Variants in FANCL observed in about 807,000 individuals in gnomAD.
The protein encoded by FANCL is FA complementation group L.
A neutral mutation model predicts 59.4 loss-of-function variants in FANCL; 69 were observed. The observed-to-expected ratio is 1.16, with a 90% CI of 0.96 to 1.42. FANCL has a LOEUF of 1.42. Among genes scored for constraint, FANCL ranks in the 40% most tolerant of loss-of-function variants. The pLI is 0.00. For missense variants in FANCL, 519 were observed against 447.2 expected, an observed-to-expected ratio of 1.16 and a Z score of -1.45; for synonymous variants, 180 against 147.1, an observed-to-expected ratio of 1.22 and a Z score of -1.62.
chr2:58,214,546 T>A lies in FANCL; in HGVS notation c.374+7396A>T, dbSNP rs575177878. ...TGCTCTTGTTGACAGGGTCTCACTG[T>A]CACCTAGACTGAAGTGCAGTGGTGT... On this transcript the variant is annotated intron_variant, in intron 5 of 13. Coordinates refer to ENST00000233741, the MANE Select transcript of FANCL (RefSeq NM_018062.4). 3.1e-4 allele frequency among the ~76,000 whole-genome samples: 47 copies of A among 152,290 alleles called. 1 individual carries two copies. In the South Asian group the frequency reaches 6.4e-3, roughly 21 times the overall value.
chr2:58,178,803 C>T (rs1369022036), intron 7 of FANCL, among the ~76,000 whole-genome samples: 1 of 152,160 alleles, frequency 6.6e-6, no homozygotes. Context: ...TCTCTGTTTG[C>T]AGATGACATG....
intron 7 of FANCL, among the ~76,000 whole-genome samples, chr2:58,172,355 TA>T (rs1294473866): frequency 1.3e-5 from 2 of 152,138 alleles, no homozygotes; most frequent in Non-Finnish European, 2.9e-5. Context: ...CACCGCCCAG[TA>T]GGGGCAGACT....
intron 8 of FANCL, among the ~76,000 whole-genome samples, chr2:58,164,599 A>C (rs1269758547): frequency 1.3e-5 from 2 of 148,894 alleles, no homozygotes; most frequent in African/African-American, 4.8e-5. Flanking sequence ...GAGAAAAAAG[A>C]AGCTAAAAGG....
At chr2:58,214,427 T>A (rs979564111) in intron 5 of FANCL, among the ~76,000 whole-genome samples, 1 of 152,210 alleles carries the variant, frequency 6.6e-6, no homozygotes, top group Non-Finnish European at 1.5e-5. Context: ...TCTACCCTTC[T>A]TATCGTGGTC....
intron 7 of FANCL, among the ~76,000 whole-genome samples, chr2:58,178,620 A>G (rs554900273): frequency 1.1e-4 from 17 of 152,316 alleles, no homozygotes; most frequent in African/African-American, 3.1e-4. Context: ...CCCACAGTCA[A>G]TATCATACTG....
At chr2:58,229,462 TC>T (rs1360509644) in intron 3 of FANCL, among the ~76,000 whole-genome samples, 2 of 152,200 alleles carry the variant, frequency 1.3e-5, no homozygotes, top group Middle Eastern at 3.2e-3. Flanking sequence ...AGGACTAAAA[TC>T]CCATTTTTGC....
At chr2:58,231,930 T>C (rs189765714) in intron 2 of FANCL, 124 bp downstream of exon 2, 20 of 772,082 alleles carry the variant, frequency 2.6e-5, no homozygotes, top group East Asian at 2.1e-4. Flanking sequence ...AATGTTTCTT[T>C]TGGGGCAAAT....
At chr2:58,191,466 G>A (rs1313092507) in intron 7 of FANCL, among the ~76,000 whole-genome samples, 2 of 151,726 alleles carry the variant, frequency 1.3e-5, no homozygotes, top group Non-Finnish European at 3.0e-5. Flanking sequence ...AAACCAAACA[G>A]TATTTCTCTC....
Position 58,166,836 on chromosome 2 carries a change from C to G in FANCL, c.541-962G>C, listed in dbSNP as rs1475240071. On this transcript the variant is annotated intron_variant, in intron 7 of 13. Coordinates refer to ENST00000233741, the MANE Select transcript of FANCL (RefSeq NM_018062.4). Reference sequence around the variant, plus strand: ...AAGGAAAACCCATCCCATTTTGTCACTTCAGTCAAGGTTTACACTTGGATG... The same window carrying G: ...AAGGAAAACCCATCCCATTTTGTCAGTTCAGTCAAGGTTTACACTTGGATG... Among the ~76,000 whole-genome samples the G allele has an allele frequency of 2.6e-5, 4 of 152,202 alleles. No individual in the cohort carries two copies. In the East Asian group the frequency reaches 7.7e-4, roughly 29 times the overall value.
chr2:58,206,421 T>C (rs555711024), intron 5 of FANCL, among the ~76,000 whole-genome samples: 2 of 152,290 alleles, frequency 1.3e-5, no homozygotes, highest in South Asian at 4.1e-4. Context: ...GAGACTGCTT[T>C]TCTTTATAAG....
intron 6 of FANCL, among the ~76,000 whole-genome samples, chr2:58,200,322 T>A (rs1689870507): frequency 6.6e-6 from 1 of 152,040 alleles, no homozygotes; most frequent in African/African-American, 2.4e-5. Flanking sequence ...AGTTGTATGA[T>A]CCTGAACAAG....
At chr2:58,194,314 A>G in intron 7 of FANCL, 1 of 470,720 alleles carries the variant, frequency 2.1e-6, no homozygotes. Flanking sequence ...TCATAATATC[A>G]GTGCACTTAA....
At position 58,204,223 on chromosome 2, in the gene FANCL, A is replaced by G; in HGVS notation, c.378T>C (p.Leu126=). Residue 126 remains leucine (L), a synonymous_variant, in exon 6 of 14, where the codon CTT becomes CTC. Coordinates refer to ENST00000233741, the MANE Select transcript of FANCL (RefSeq NM_018062.4). ...TACTGAAGCAGGTATCCGCATACAC[A>G]AGTCTGGTGAGCAGAGGAGAATAAA... ...EEIGTLGWDK[L]VYADTCFSTI... is the part of the protein sequence containing the mutation. 1 of 1,612,090 alleles carries G rather than the reference A, an allele frequency of 6.2e-7. No individual in the cohort carries two copies. Among genetic ancestry groups the G allele is most frequent in the Non-Finnish European group, 8.5e-7 (1 of 1,178,288 alleles).
chr2:58,178,929 A>G (rs560979836), intron 7 of FANCL, among the ~76,000 whole-genome samples: 6 of 152,298 alleles, frequency 3.9e-5, no homozygotes, highest in Non-Finnish European at 7.4e-5. Context: ...GCATTCTTAT[A>G]CACCAATAAC....
intron 5 of FANCL, among the ~76,000 whole-genome samples, chr2:58,219,157 AAAAAAAAAAAAAAAATATATAT>A (rs1332622440): frequency 2.1e-5 from 2 of 94,346 alleles, no homozygotes; most frequent in Non-Finnish European, 3.8e-5. Context: ...AAAAAAAAAA[AAAAAAAAAAAAAAAATATATAT>A]ATATATATAT....
At chr2:58,211,963 C>A (rs1265874094) in intron 5 of FANCL, among the ~76,000 whole-genome samples, 1 of 152,188 alleles carries the variant, frequency 6.6e-6, no homozygotes, top group Non-Finnish European at 1.5e-5. Context: ...TCTGAGCCTT[C>A]CAAACCGTTC....
chr2:58,233,113 AG>A (rs1693731222), intron 1 of FANCL, among the ~76,000 whole-genome samples: 1 of 152,136 alleles, frequency 6.6e-6, no homozygotes, highest in Non-Finnish European at 1.5e-5. Flanking sequence ...CAAAAGGTCA[AG>A]TAACAATAAT....
In FANCL at chr2:58,206,913, G is replaced by T. The variant is rs115615079; in HGVS notation, c.375-2687C>A. 4.2e-3 allele frequency among the ~76,000 whole-genome samples: 646 copies of T among 152,282 alleles called. 7 individuals carry two copies. Among genetic ancestry groups the T allele is most frequent in the African/African-American group, 0.015 (614 of 41,560 alleles). Reference sequence around the variant, plus strand: ...AGAAACCTTACTGTGATTATTAATAGGTTGAGTATATGCGACCTTGATTGT... The same window carrying T: ...AGAAACCTTACTGTGATTATTAATATGTTGAGTATATGCGACCTTGATTGT... On this transcript the variant is annotated intron_variant, in intron 5 of 13. Transcript: ENST00000233741.
chr2:58,212,240 T>C (rs1244256036), intron 5 of FANCL, among the ~76,000 whole-genome samples: 1 of 152,140 alleles, frequency 6.6e-6, no homozygotes, highest in Non-Finnish European at 1.5e-5. Flanking sequence ...AAAGAGAGAA[T>C]GAGGAAGATG....
Sources: allele counts gnomAD v4.1 joint callset (sites outside exome capture counted in the v4.1 genomes callset), GRCh38; gene constraint gnomAD v4.1.1; transcripts MANE v1.5; gene names NCBI Gene and HGNC (gene_info 2026-07-23, HGNC 2026-07-21).